The following FSTL4 variants were observed in gnomAD, a reference collection of about 807,000 sequenced individuals.
FSTL4 encodes the protein follistatin-related protein 4.
In FSTL4, 28 loss-of-function variants were observed where a neutral mutation model predicts 78.2. That is an observed-to-expected ratio of 0.36 (90% CI 0.27 to 0.49). FSTL4 has a LOEUF of 0.49. FSTL4 is among the 20% of genes least tolerant of loss of function. The probability of loss-of-function intolerance (pLI) is 0.98; values close to 1 mark genes in which losing one functional copy is unlikely to be tolerated. For missense variants in FSTL4, 922 were observed against 1,084.9 expected (o/e 0.85, Z 2.11); for synonymous variants, 422 against 440.5 (o/e 0.96, Z 0.53).
At chr5:133,397,239 AAGTTAAAC>A (rs1756081513) in intron 4 of FSTL4, among the ~76,000 whole-genome samples, 1 of 152,242 alleles carries the variant, frequency 6.6e-6, no homozygotes. Flanking sequence ...ACTCTATAAG[AAGTTAAAC>A]AGTGAAATCC....
intron 6 of FSTL4, among the ~76,000 whole-genome samples, chr5:133,292,433 C>T (rs575204213): frequency 5.8e-4 from 89 of 152,186 alleles, no homozygotes; most frequent in Non-Finnish European, 8.4e-4. Flanking sequence ...GCCCCTACCT[C>T]GCACAGCTTG....
At chr5:133,321,103 C>T (rs1754039814) in intron 4 of FSTL4, among the ~76,000 whole-genome samples, 1 of 152,144 alleles carries the variant, frequency 6.6e-6, no homozygotes. Flanking sequence ...GTCAGCCCTG[C>T]CCACCTGCCC....
At chr5:133,596,362 T>C (rs1006648430) in intron 2 of FSTL4, among the ~76,000 whole-genome samples, 1 of 152,212 alleles carries the variant, frequency 6.6e-6, no homozygotes, top group Non-Finnish European at 1.5e-5. Context: ...TTCTGTCAGC[T>C]GCATCACAGA....
the FSTL4 span, among the ~76,000 whole-genome samples, chr5:133,822,121 G>A: frequency 6.6e-6 from 1 of 152,198 alleles, no homozygotes; most frequent in African/African-American, 2.4e-5. Flanking sequence ...TGTCTTTGAT[G>A]TATGAACACT....
At chr5:133,697,494 C>G in the FSTL4 span, among the ~76,000 whole-genome samples, 1 of 152,194 alleles carries the variant, frequency 6.6e-6, no homozygotes, top group East Asian at 1.9e-4. Context: ...CAGTCTCTAC[C>G]CCACCTTCTC....
At chr5:133,714,747 T>A in the FSTL4 span, among the ~76,000 whole-genome samples, 1 of 152,218 alleles carries the variant, frequency 6.6e-6, no homozygotes, top group South Asian at 2.1e-4. Context: ...ATTAATTAAG[T>A]CATGCCTGTC....
chr5:133,693,319 C>A, the FSTL4 span, among the ~76,000 whole-genome samples: 51,716 of 151,748 alleles, frequency 0.34, 9,481 homozygotes, highest in African/African-American at 0.48. Context: ...GATTAGGGAG[C>A]CTTTTATGGG....
intron 4 of FSTL4, among the ~76,000 whole-genome samples, chr5:133,342,269 C>A (rs1184245243): frequency 6.6e-6 from 1 of 152,102 alleles, no homozygotes; most frequent in East Asian, 1.9e-4. Context: ...GGAGGAGAAG[C>A]TGTGGGGTCA....
intron 6 of FSTL4, among the ~76,000 whole-genome samples, chr5:133,261,792 G>T (rs1339408383): frequency 3.9e-5 from 6 of 152,064 alleles, no homozygotes; most frequent in Non-Finnish European, 8.8e-5. Flanking sequence ...GGAGTTCAAG[G>T]CCTGCCTGGA....
chr5:133,248,109 C>T (rs1752099492), intron 7 of FSTL4: 1 of 152,290 alleles, frequency 6.6e-6, no homozygotes, highest in Non-Finnish European at 1.5e-5. Context: ...ATAAGGAGCT[C>T]AGCGCCTCCT....
chr5:133,521,491 C>T (rs943988236), intron 3 of FSTL4, among the ~76,000 whole-genome samples: 7 of 152,140 alleles, frequency 4.6e-5, no homozygotes, highest in African/African-American at 1.7e-4. Context: ...GAGCTTTGTA[C>T]TGCCTGCCAC....
At chr5:133,589,300 A>AAAAAAAAAAT (rs1208142898) in intron 2 of FSTL4, among the ~76,000 whole-genome samples, 13 of 148,522 alleles carry the variant, frequency 8.8e-5, no homozygotes, top group African/African-American at 3.3e-4. Context: ...AAAAAAAAAA[A>AAAAAAAAAAT]AGATCAAGGC....
At chr5:133,714,703 C>T in the FSTL4 span, among the ~76,000 whole-genome samples, 1 of 152,192 alleles carries the variant, frequency 6.6e-6, no homozygotes, top group Admixed American at 6.5e-5. Context: ...ACACCATATG[C>T]CTCCCCTGCT....
At position 133,341,163 on chromosome 5, in the gene FSTL4, C is replaced by T. The variant is rs73263709; in HGVS notation, c.410-24511G>A. Among the ~76,000 whole-genome samples the T allele has an allele frequency of 6.6e-3, 999 of 151,380 alleles. 11 individuals carry two copies. The highest frequency in any genetic ancestry group is 0.022 in the African/African-American group (905 of 41,130). The stretch of plus-strand genomic sequence containing the variant: ...CATGACCTCCCTTCGAAACTAAGAG[C>T]TCAGGAGAGAGTTCACATTAACTTT... On this transcript the variant is annotated intron_variant, in intron 4 of 15. Transcript: ENST00000265342.
At position 133,573,807 on chromosome 5, in the gene FSTL4, G is replaced by A. The variant is rs531239491; in HGVS notation, c.127-6588C>T. ...CATTCGAGATTTATAAAAATTGGCC[G>A]TATGCTGAGCCATAAGCAAGTTTAA... On this transcript the variant is annotated intron_variant, in intron 2 of 15. Transcript: ENST00000265342. Among the ~76,000 whole-genome samples the A allele has an allele frequency of 1.0e-3, 152 of 152,294 alleles. 1 individual carries two copies. The highest frequency in any genetic ancestry group is 2.9e-3 in the African/African-American group (119 of 41,580).
the FSTL4 span, among the ~76,000 whole-genome samples, chr5:133,733,360 C>T: frequency 6.6e-6 from 1 of 152,192 alleles, no homozygotes; most frequent in Admixed American, 6.5e-5. Flanking sequence ...CATTAACACT[C>T]CTATATGTGT....
chr5:133,331,582 C>T (rs764313489), intron 4 of FSTL4, among the ~76,000 whole-genome samples: 12 of 152,086 alleles, frequency 7.9e-5, no homozygotes, highest in Admixed American at 2.0e-4. Flanking sequence ...TGCTATAAGC[C>T]GGCGATACGT....
At chr5:133,261,974 A>T in intron 6 of FSTL4, among the ~76,000 whole-genome samples, 1 of 151,048 alleles carries the variant, frequency 6.6e-6, no homozygotes, top group Non-Finnish European at 1.5e-5. Context: ...CCTGGGCAAC[A>T]GCAGAGTGAG....
At chr5:133,242,424 T>C (rs1751901711) in intron 7 of FSTL4, among the ~76,000 whole-genome samples, 2 of 139,542 alleles carry the variant, frequency 1.4e-5, no homozygotes, top group African/African-American at 5.9e-5. Context: ...TCCTGGGTTC[T>C]GCAATCAGGG....
Sources: gnomAD v4.1 joint callset for allele counts (sites outside exome capture counted in the v4.1 genomes callset) on GRCh38, gnomAD v4.1.1 for gene constraint, MANE v1.5 for transcripts, NCBI Gene and HGNC (gene_info 2026-07-23, HGNC 2026-07-21) for gene names.